The following FSIP1 variants were observed in gnomAD, a reference collection of about 807,000 sequenced individuals.
FSIP1 encodes fibrous sheath-interacting protein 1.
Under a neutral mutation model 60.9 loss-of-function variants are expected in FSIP1, and 65 were observed. The observed-to-expected ratio is 1.07, with a 90% CI of 0.87 to 1.31. The LOEUF is 1.31. FSIP1 is among the 40% of genes most tolerant of loss of function. FSIP1 has a pLI of 0.00. For synonymous variants in FSIP1, 209 were observed against 221.2 expected (o/e 0.94, Z 0.49); for missense variants, 675 against 665.5 (o/e 1.01, Z -0.16).
At chr15:39,613,633 C>T (rs568310445) in intron 11 of FSIP1, among the ~76,000 whole-genome samples, 1 of 146,644 alleles carries the variant, frequency 6.8e-6, no homozygotes, top group African/African-American at 2.7e-5. Context: ...GATACCAAAG[C>T]CAGAGAAGAA....
At chr15:39,763,667 A>G (rs1897580759) in intron 5 of FSIP1, among the ~76,000 whole-genome samples, 154 bp downstream of exon 5, 1 of 152,236 alleles carries the variant, frequency 6.6e-6, no homozygotes, top group Admixed American at 6.5e-5. Context: ...GAGTAGTTTC[A>G]TATAATCCTA....
At chr15:39,680,953 C>T (rs1157190299) in intron 10 of FSIP1, among the ~76,000 whole-genome samples, 4 of 152,162 alleles carry the variant, frequency 2.6e-5, no homozygotes, top group Admixed American at 2.0e-4. Context: ...AGGGCCTGAA[C>T]ATAGGCCTAT....
At chr15:39,664,884 T>A (rs1893436525) in intron 10 of FSIP1, among the ~76,000 whole-genome samples, 1 of 152,164 alleles carries the variant, frequency 6.6e-6, no homozygotes. Context: ...CCTCTCTAAC[T>A]GTAAAAATAC....
intron 10 of FSIP1, among the ~76,000 whole-genome samples, chr15:39,698,756 CA>C (rs1894931944): frequency 6.6e-6 from 1 of 152,162 alleles, no homozygotes; most frequent in Non-Finnish European, 1.5e-5. Context: ...AAAGTGCCAC[CA>C]CAATTCCCTT....
intron 10 of FSIP1, among the ~76,000 whole-genome samples, chr15:39,630,232 G>T (rs1469903692): frequency 1.3e-5 from 2 of 152,178 alleles, no homozygotes; most frequent in African/African-American, 4.8e-5. Flanking sequence ...TGAGAATAAG[G>T]ATACTATATT....
At chr15:39,759,861 G>T (rs1048165958) in intron 5 of FSIP1, among the ~76,000 whole-genome samples, 2 of 152,016 alleles carry the variant, frequency 1.3e-5, no homozygotes, top group African/African-American at 4.8e-5. Context: ...TTCTGATAAG[G>T]CTACCTATGA....
intron 5 of FSIP1, among the ~76,000 whole-genome samples, chr15:39,746,023 G>A (rs955439772): frequency 3.9e-5 from 6 of 152,006 alleles, no homozygotes; most frequent in South Asian, 2.1e-4. Context: ...AGGTGGCAGC[G>A]AGCAGTGATC....
intron 10 of FSIP1, among the ~76,000 whole-genome samples, chr15:39,698,318 T>C (rs189859957): frequency 2.0e-5 from 3 of 152,192 alleles, no homozygotes; most frequent in African/African-American, 7.2e-5. Flanking sequence ...TAGCAGAAGA[T>C]TTAAAATTAC....
chr15:39,607,071 G>C (rs183864394), intron 11 of FSIP1, among the ~76,000 whole-genome samples: 1 of 152,076 alleles, frequency 6.6e-6, no homozygotes, highest in African/African-American at 2.4e-5. Context: ...GAAGCATCCT[G>C]GCCTCACTTC....
intron 8 of FSIP1, among the ~76,000 whole-genome samples, chr15:39,727,869 A>G (rs1896256553): frequency 6.6e-6 from 1 of 152,172 alleles, no homozygotes; most frequent in South Asian, 2.1e-4. Flanking sequence ...AGACAACATG[A>G]TTCTATACCT....
chr15:39,756,227 C>T (rs1897297847), intron 5 of FSIP1, among the ~76,000 whole-genome samples: 1 of 152,082 alleles, frequency 6.6e-6, no homozygotes, highest in Non-Finnish European at 1.5e-5. Context: ...ATGCACTATC[C>T]AACCACAGTT....
intron 5 of FSIP1, among the ~76,000 whole-genome samples, chr15:39,753,361 A>G (rs1020060513): frequency 2.0e-5 from 3 of 152,216 alleles, no homozygotes; most frequent in African/African-American, 7.2e-5. Flanking sequence ...AAGCAAACAC[A>G]CATACATCGA....
chr15:39,698,706 G>A (rs967398824), intron 10 of FSIP1, among the ~76,000 whole-genome samples: 1 of 152,160 alleles, frequency 6.6e-6, no homozygotes, highest in African/African-American at 2.4e-5. Context: ...GTAACTTTCA[G>A]TTTGGGGTTC....
intron 10 of FSIP1, among the ~76,000 whole-genome samples, chr15:39,643,532 G>A (rs1412677590): frequency 6.6e-6 from 1 of 152,094 alleles, no homozygotes; most frequent in Non-Finnish European, 1.5e-5. Context: ...AATAAAAGAT[G>A]GAGAAACAAA....
chr15:39,606,589 A>G (rs1049108815), intron 11 of FSIP1, among the ~76,000 whole-genome samples: 2 of 152,186 alleles, frequency 1.3e-5, no homozygotes, highest in African/African-American at 4.8e-5. Context: ...GTATCCTTTA[A>G]CCAATAACTC....
At chr15:39,615,971 GGTAA>G (rs572276304) in intron 11 of FSIP1, among the ~76,000 whole-genome samples, 221 of 143,786 alleles carry the variant, frequency 1.5e-3, no homozygotes, top group Non-Finnish European at 2.0e-3. Context: ...ACAAAAAAAT[GGTAA>G]GTGAGGTGAT....
chr15:39,669,859 G>T (rs1370117743), intron 10 of FSIP1, among the ~76,000 whole-genome samples: 1 of 152,162 alleles, frequency 6.6e-6, no homozygotes, highest in African/African-American at 2.4e-5. Flanking sequence ...CCAGCAGCAT[G>T]CATATAAAAC....
In FSIP1 at chr15:39,764,004, A is replaced by G. The variant is rs1897593728; in HGVS notation, c.466-90T>C. 4.2e-6 allele frequency: 3 copies of G among 710,920 alleles called. No individual in the cohort carries two copies. The East Asian group carries it at 7.5e-5, about 18-fold the overall frequency. 44.0% of individuals were successfully genotyped at this position (710,920 alleles called of 1,614,324 possible). A position where few individuals can be genotyped will look rare whatever the true frequency, so the allele number is the denominator to read the frequency against. ...AAACTCCAACACGGCTCCCAATCAC[A>G]TACGTACAAACGAGAAGTCTCAGGC... On this transcript the variant is annotated intron_variant, in intron 4 of 11. Transcript: ENST00000350221.
chr15:39,636,985 T>C (rs767366004), intron 10 of FSIP1, among the ~76,000 whole-genome samples: 71 of 152,222 alleles, frequency 4.7e-4, no homozygotes, highest in Non-Finnish European at 5.1e-4. Flanking sequence ...TCCTCATTCC[T>C]ATGCAATTGT....
Sources: allele counts gnomAD v4.1 joint callset (sites outside exome capture counted in the v4.1 genomes callset), GRCh38; gene constraint gnomAD v4.1.1; transcripts MANE v1.5; gene names NCBI Gene and HGNC (gene_info 2026-07-23, HGNC 2026-07-21).